GREB1L: variants seen among roughly 807,000 people sequenced by gnomAD.
GREB1L encodes the protein GREB1 like retinoic acid receptor coactivator, also known as GREB1-like protein.
GREB1L carries 17 observed loss-of-function variants against 200.8 expected under a neutral mutation model. The ratio of observed to expected loss-of-function variants is 0.08; its 90% CI spans 0.06 to 0.13. The LOEUF (loss-of-function observed/expected upper bound fraction) is 0.13, where lower values mean the gene tolerates loss of function less well. GREB1L is among the 10% of genes least tolerant of loss of function. GREB1L has a pLI of 1.00. For missense variants in GREB1L, 1,657 were observed against 2,367.7 expected (o/e 0.70, Z 6.23); for synonymous variants, 789 against 893.0 (o/e 0.88, Z 2.08).
At chr18:21,426,334 G>A (rs2032573495) in intron 7 of GREB1L, among the ~76,000 whole-genome samples, 1 of 152,124 alleles carries the variant, frequency 6.6e-6, no homozygotes, top group East Asian at 1.9e-4. Flanking sequence ...TGGGATTATA[G>A]GCATGAGCCA....
At chr18:21,377,157 C>T (rs1258953610) in intron 2 of GREB1L, among the ~76,000 whole-genome samples, 1 of 152,050 alleles carries the variant, frequency 6.6e-6, no homozygotes, top group Non-Finnish European at 1.5e-5. Context: ...TCTGCTCTAT[C>T]CTTTTCCCTT....
At chr18:21,511,305 G>A (rs936915825) in intron 27 of GREB1L, among the ~76,000 whole-genome samples, 7 of 151,938 alleles carry the variant, frequency 4.6e-5, no homozygotes, top group Middle Eastern at 3.2e-3. Flanking sequence ...TGGAGGTTGC[G>A]GTAAGCTGAG....
At chr18:21,351,209 A>G (rs2039428187) in intron 1 of GREB1L, among the ~76,000 whole-genome samples, 1 of 152,134 alleles carries the variant, frequency 6.6e-6, no homozygotes, top group African/African-American at 2.4e-5. Flanking sequence ...AGGAAATATA[A>G]TACTGCTTTA....
chr18:21,506,165 G>A (rs1187270282), intron 25 of GREB1L, among the ~76,000 whole-genome samples: 2 of 152,044 alleles, frequency 1.3e-5, no homozygotes, highest in African/African-American at 4.8e-5. Flanking sequence ...AGGCCGAGGC[G>A]GGTGGATCAC....
At chr18:21,303,877 G>C (rs2038657672) in intron 1 of GREB1L, among the ~76,000 whole-genome samples, 1 of 152,112 alleles carries the variant, frequency 6.6e-6, no homozygotes, top group Non-Finnish European at 1.5e-5. Context: ...TACTTCCCTG[G>C]ATTATGCAGT....
chr18:21,431,410 TA>T (rs1324746850), intron 7 of GREB1L, among the ~76,000 whole-genome samples: 6 of 152,372 alleles, frequency 3.9e-5, no homozygotes, highest in Admixed American at 2.0e-4. Flanking sequence ...TTATTTTTCA[TA>T]AATTTGTGAA....
intron 7 of GREB1L, among the ~76,000 whole-genome samples, chr18:21,408,150 GT>G (rs2030506851): frequency 1.0e-5 from 1 of 97,328 alleles, no homozygotes; most frequent in South Asian, 3.1e-4. Context: ...AAAGATAGAT[GT>G]TTGAGGTGAT....
chr18:21,335,205 C>T (rs1489688017), intron 1 of GREB1L, among the ~76,000 whole-genome samples: 3 of 152,128 alleles, frequency 2.0e-5, no homozygotes, highest in Non-Finnish European at 4.4e-5. Context: ...AGACGGTAAA[C>T]GTTTTTTAAA....
At chr18:21,469,471 A>G (rs1458570968) in intron 15 of GREB1L, among the ~76,000 whole-genome samples, 4 of 152,262 alleles carry the variant, frequency 2.6e-5, no homozygotes, top group Middle Eastern at 3.4e-3. Flanking sequence ...ACCATAAGAT[A>G]TTCGAGGGTT....
intron 1 of GREB1L, among the ~76,000 whole-genome samples, chr18:21,350,050 C>T (rs2039410688): frequency 6.6e-6 from 1 of 152,008 alleles, no homozygotes; most frequent in Non-Finnish European, 1.5e-5. Flanking sequence ...TTTTATAGTA[C>T]TTTTTTCCTA....
chr18:21,318,793 G>A (rs1452294520), intron 1 of GREB1L, among the ~76,000 whole-genome samples: 7 of 152,110 alleles, frequency 4.6e-5, no homozygotes, highest in African/African-American at 1.7e-4. Context: ...TAAAACATGC[G>A]TAACAGATGC....
chr18:21,505,350 C>G (rs374656434), intron 23 of GREB1L, 62 bp from the exon 24 acceptor site: 1 of 1,469,528 alleles, frequency 6.8e-7, no homozygotes, highest in Non-Finnish European at 9.2e-7. Context: ...AAGCCATTCT[C>G]TCTGACACAT....
intron 1 of GREB1L, among the ~76,000 whole-genome samples, chr18:21,280,571 T>C (rs1003908984): frequency 1.3e-5 from 2 of 152,218 alleles, no homozygotes; most frequent in African/African-American, 4.8e-5. Context: ...GGGTAAAGTA[T>C]ATGTATTTAT....
At chr18:21,284,036 A>C (rs2038314133) in intron 1 of GREB1L, among the ~76,000 whole-genome samples, 1 of 152,240 alleles carries the variant, frequency 6.6e-6, no homozygotes, top group South Asian at 2.1e-4. Flanking sequence ...GTACCTGGAC[A>C]GCCAGGAAGC....
chr18:21,424,889 A>G (rs942363715), intron 7 of GREB1L, among the ~76,000 whole-genome samples: 9 of 152,192 alleles, frequency 5.9e-5, no homozygotes, highest in African/African-American at 2.2e-4. Flanking sequence ...TGTTCTGGGC[A>G]TTTCATATAA....
chr18:21,289,614 T>C (rs1048779463), intron 1 of GREB1L, among the ~76,000 whole-genome samples: 3 of 152,210 alleles, frequency 2.0e-5, no homozygotes, highest in Admixed American at 6.5e-5. Flanking sequence ...AAATTATCAT[T>C]TTACTGATAC....
intron 15 of GREB1L, among the ~76,000 whole-genome samples, chr18:21,464,136 A>C (rs1414574725): frequency 1.3e-5 from 2 of 152,184 alleles, no homozygotes; most frequent in African/African-American, 2.4e-5. Flanking sequence ...ACCAGTTAAT[A>C]AATGCAGGAA....
intron 15 of GREB1L, among the ~76,000 whole-genome samples, chr18:21,456,049 G>T (rs1378935967): frequency 5.9e-5 from 9 of 151,864 alleles, no homozygotes; most frequent in Non-Finnish European, 1.2e-4. Flanking sequence ...GAGATTACAG[G>T]TGTGCACCAC....
rs139047093 is a variant in GREB1L at position 21,300,730 on chromosome 18, A to G, written c.-120+58337A>G. On this transcript the variant is annotated intron_variant, in intron 1 of 32. Coordinates refer to ENST00000424526, the MANE Select transcript of GREB1L (RefSeq NM_001142966.3). Reference sequence around the variant, plus strand: ...ACTGCTGTGTTCTTGCTGTTATCCTATTTTCTTTCCTTTTTCATCATCTTT... The same window carrying G: ...ACTGCTGTGTTCTTGCTGTTATCCTGTTTTCTTTCCTTTTTCATCATCTTT... Among the ~76,000 whole-genome samples the G allele has an allele frequency of 1.1e-4, 17 of 151,788 alleles. No individual in the cohort carries two copies. The East Asian group carries it at 2.3e-3, about 21-fold the overall frequency.
Sources: gnomAD v4.1 joint callset for allele counts (sites outside exome capture counted in the v4.1 genomes callset) on GRCh38, gnomAD v4.1.1 for gene constraint, MANE v1.5 for transcripts, NCBI Gene and HGNC (gene_info 2026-07-23, HGNC 2026-07-21) for gene names.